RASGRP2: variants seen among roughly 807,000 people sequenced by gnomAD.
The protein encoded by RASGRP2 is RAS guanyl-releasing protein 2.
Under a neutral mutation model 71.0 loss-of-function variants are expected in RASGRP2, and 44 were observed. That is an observed-to-expected ratio of 0.62 (90% CI 0.49 to 0.80). The LOEUF is 0.80. RASGRP2 is among the 30% of genes least tolerant of loss of function. RASGRP2 has a pLI of 0.00. For missense variants in RASGRP2, 663 were observed against 813.4 expected (o/e 0.82, Z 2.25); for synonymous variants, 350 against 330.7 (o/e 1.06, Z -0.63).
At chr11:64,740,269 G>A (rs748665883) in intron 5 of RASGRP2, 106 bp from the exon 6 acceptor site, 19 of 1,437,744 alleles carry the variant, frequency 1.3e-5, no homozygotes, top group African/African-American at 8.4e-5. Flanking sequence ...TACATAATGC[G>A]AGGCACTGTC....
At chr11:64,730,300 TTGGACTCC>T (rs1248163572) in intron 12 of RASGRP2, 106 bp from the exon 13 acceptor site, 1 of 1,424,796 alleles carries the variant, frequency 7.0e-7, no homozygotes, top group African/African-American at 1.4e-5. Context: ...ACTCCTGATT[TTGGACTCC>T]TGTTGCAGAG....
chr11:64,738,674 C>T (rs1388140216), intron 8 of RASGRP2, among the ~76,000 whole-genome samples: 2 of 151,846 alleles, frequency 1.3e-5, no homozygotes, highest in Non-Finnish European at 2.9e-5. Flanking sequence ...CCTGATGTCA[C>T]GTGATCTGCC....
Position 64,742,970 on chromosome 11 carries a change from G to C in RASGRP2, c.-71-33C>G. On this transcript the variant is annotated intron_variant, in intron 1 of 16. Transcript: ENST00000394432. The surrounding 1 kb of genome is among the most constrained non-coding windows in gnomAD (Gnocchi z 4.7). ...GGGAGAGGCAGAGCGGGAGTCTGCGGAGTCGCGGGCGGGGGAGCGGCCCCG... is the reference window on the plus strand; with the variant it reads ...GGGAGAGGCAGAGCGGGAGTCTGCGCAGTCGCGGGCGGGGGAGCGGCCCCG... The C allele has an allele frequency of 6.6e-7, 1 of 1,513,990 alleles. No homozygotes were observed. Among genetic ancestry groups the C allele is most frequent in the Non-Finnish European group, 8.8e-7 (1 of 1,135,640 alleles). 93.8% of individuals were successfully genotyped at this position (1,513,990 alleles called of 1,614,324 possible).
Position 64,728,859 on chromosome 11 carries a change from T to C in RASGRP2, c.1771+4A>G. 6.2e-7 allele frequency: 1 copy of C among 1,607,696 alleles called. No homozygotes were observed. The highest frequency in any genetic ancestry group is 8.5e-7 in the Non-Finnish European group (1 of 1,177,058). On this transcript the variant is annotated splice_donor_region_variant and intron_variant, in intron 15 of 16. Transcript: ENST00000394432. The stretch of plus-strand genomic sequence containing the variant: ...CAGGCCAGTACAGAATGACTCCCTC[T>C]TACCTGGAGGCCTGGAGCCTCGCCT...
rs1161324506 is a variant in RASGRP2 at position 64,740,088 on chromosome 11, C to A, written c.447G>T (p.Leu149Phe). 6.2e-7 allele frequency: 1 copy of A among 1,614,070 alleles called. No individual in the cohort carries two copies. The highest frequency in any genetic ancestry group is 8.5e-7 in the Non-Finnish European group (1 of 1,180,034). ...VGQKKRKMSLLFDHLEPMELA... is the reference protein window; with the variant it reads ...VGQKKRKMSLFFDHLEPMELA... ...GCTCCATGGGCTCCAGGTGGTCAAA[C>A]AACAGGGACATCTTGCGCTTTTTCT... Residue 149 changes from leucine to phenylalanine, a missense_variant, in exon 6 of 17, where the codon TTG becomes TTT. Physicochemically the swap from Leu to Phe is conservative, Grantham distance 22 (BLOSUM62 0). Coordinates refer to ENST00000394432, the MANE Select transcript of RASGRP2 (RefSeq NM_001098671.2).
In RASGRP2 at chr11:64,735,329, T is replaced by C; in HGVS notation, c.1297-102A>G. ...TTCCCAGTCCATTTGATGAGGTGTG[T>C]CTCAGAGAGGTCTCTGACACCACCC... is the stretch of plus-strand genomic sequence containing the variant. On this transcript the variant is annotated intron_variant, in intron 11 of 16. Coordinates refer to ENST00000394432, the MANE Select transcript of RASGRP2 (RefSeq NM_001098671.2). The surrounding 1 kb of genome is among the most constrained non-coding windows in gnomAD (Gnocchi z 4.2). The C allele has an allele frequency of 8.0e-7, 1 of 1,255,782 alleles. No homozygotes were observed. Among genetic ancestry groups the C allele is most frequent in the South Asian group, 1.2e-5 (1 of 82,198 alleles). 77.8% of individuals were successfully genotyped at this position (1,255,782 alleles called of 1,614,324 possible).
intron 12 of RASGRP2, among the ~76,000 whole-genome samples, chr11:64,733,594 C>A (rs1196990885): frequency 6.6e-6 from 1 of 152,170 alleles, no homozygotes; most frequent in East Asian, 1.9e-4. Flanking sequence ...AACTCAACTA[C>A]CTCTGCCTAA....
chr11:64,735,687 G>C lies in RASGRP2; in HGVS notation c.1174-23C>G, dbSNP rs1311866278. 3 of 1,600,210 alleles carry C rather than the reference G, an allele frequency of 1.9e-6. No individual in the cohort carries two copies. Among genetic ancestry groups the C allele is most frequent in the Non-Finnish European group, 2.6e-6 (3 of 1,174,772 alleles). The stretch of plus-strand genomic sequence containing the variant: ...TGGCTATGGAAATGGTCGGGCCTGA[G>C]CTAGGGCCAGAGGCAGGGGAAGCCC... On this transcript the variant is annotated intron_variant, in intron 10 of 16. Coordinates refer to ENST00000394432, the MANE Select transcript of RASGRP2 (RefSeq NM_001098671.2). The surrounding 1 kb of genome is among the most constrained non-coding windows in gnomAD (Gnocchi z 4.2).
Position 64,743,088 on chromosome 11 carries a change from G to C in RASGRP2, c.-71-151C>G, listed in dbSNP as rs1303935541. ...CTCCCGGGGTTAAACGGTCTGGCCCGGGATGGTGCAACCCGCCAGTTGGGA... is the reference window on the plus strand; with the variant it reads ...CTCCCGGGGTTAAACGGTCTGGCCCCGGATGGTGCAACCCGCCAGTTGGGA... On this transcript the variant is annotated intron_variant, in intron 1 of 16. Coordinates refer to ENST00000394432, the MANE Select transcript of RASGRP2 (RefSeq NM_001098671.2). This position sits in a 1 kb window ranked among gnomAD's most constrained non-coding sequence, Gnocchi z 4.9. 3.4e-6 allele frequency: 3 copies of C among 878,940 alleles called. No individual in the cohort carries two copies. Among genetic ancestry groups the C allele is most frequent in the Non-Finnish European group, 5.4e-6 (3 of 550,538 alleles). The allele number at this position is 878,940 out of a possible 1,614,324, so 54.4% of individuals were successfully genotyped here. A position where few individuals can be genotyped will look rare whatever the true frequency, so the allele number is the denominator to read the frequency against.
chr11:64,743,226 C>T lies in RASGRP2; in HGVS notation c.-71-289G>A, dbSNP rs914338044. ...CAGGACTGGCTGGCGCCCAGCCCCCCGCAGGGCGCCTTCTCCTCGCGCCCT... is the reference window on the plus strand; with the variant it reads ...CAGGACTGGCTGGCGCCCAGCCCCCTGCAGGGCGCCTTCTCCTCGCGCCCT... On this transcript the variant is annotated intron_variant, in intron 1 of 16. Coordinates refer to ENST00000394432, the MANE Select transcript of RASGRP2 (RefSeq NM_001098671.2). The surrounding 1 kb of genome is among the most constrained non-coding windows in gnomAD (Gnocchi z 4.9). The T allele has an allele frequency of 7.0e-5, 36 of 513,378 alleles. No homozygotes were observed. Among genetic ancestry groups the T allele is most frequent in the Non-Finnish European group, 1.1e-4 (30 of 264,766 alleles). The allele number at this position is 513,378 out of a possible 1,614,324, so 31.8% of individuals were successfully genotyped here. A position where few individuals can be genotyped will look rare whatever the true frequency, so the allele number is the denominator to read the frequency against.
At position 64,740,948 on chromosome 11, in the gene RASGRP2, A is replaced by G; in HGVS notation, c.371T>C (p.Val124Ala). The G allele has an allele frequency of 6.2e-7, 1 of 1,613,556 alleles. No homozygotes were observed. The highest frequency in any genetic ancestry group is 1.1e-5 in the South Asian group (1 of 91,046). The change falls in exon 5 of 17, where the codon GTC becomes GCC. Residue 124 changes from valine to alanine, a missense_variant and splice_region_variant. Coordinates refer to ENST00000394432, the MANE Select transcript of RASGRP2 (RefSeq NM_001098671.2). Reference protein sequence around the residue: ...RHSSLIDIDSVPTYKWKRQVT... With the variant: ...RHSSLIDIDSAPTYKWKRQVT... ...AGCCCTCTGTGCTCCCCCCACGCAC[A>G]CGCTGTCTATGTCGATTAGGCTGCT... is the stretch of plus-strand genomic sequence containing the variant.
At chr11:64,740,925 C>G in intron 5 of RASGRP2, 23 bp downstream of exon 5, 1 of 1,613,504 alleles carries the variant, frequency 6.2e-7, no homozygotes, top group Non-Finnish European at 8.5e-7. Context: ...GCCCCCCCAG[C>G]CCTCTGTGCT....
intron 8 of RASGRP2, among the ~76,000 whole-genome samples, chr11:64,738,968 A>AG (rs922291153): frequency 6.6e-6 from 1 of 150,838 alleles, no homozygotes; most frequent in African/African-American, 2.4e-5. Context: ...AAAAAAAAAA[A>AG]AAAAAATTAA....
At chr11:64,744,691 GGGGGCCGCGCCCTCCTTCGCCT>G (rs2058250754), upstream of RASGRP2, 1 of 145,456 alleles carries the variant, frequency 6.9e-6, no homozygotes, top group Non-Finnish European at 1.5e-5. Flanking sequence ...GGGAGTCGCT[GGGGGCCGCGCCCTCCTTCGCCT>G]GGCGCCCCGC....
At chr11:64,738,079 T>C (rs966972266) in intron 8 of RASGRP2, among the ~76,000 whole-genome samples, 3 of 152,032 alleles carry the variant, frequency 2.0e-5, no homozygotes, top group African/African-American at 7.3e-5. Flanking sequence ...GGGGTAGACG[T>C]ACAATAAAAT....
chr11:64,727,043 C>A lies in RASGRP2; in HGVS notation c.*95G>T. 2.3e-6 allele frequency: 1 copy of A among 432,402 alleles called. No homozygotes were observed. The allele number at this position is 432,402 out of a possible 1,614,324, so 26.8% of individuals were successfully genotyped here. ...GCCACCCTCATATCCCACCCCCATC[C>A]CCAGCCTCCTGCCCCGACACCCCCA... On this transcript the variant is annotated 3_prime_UTR_variant, in exon 17 of 17. Transcript: ENST00000394432.
At chr11:64,736,061 C>A in intron 9 of RASGRP2, 81 bp from the exon 10 acceptor site, 1 of 1,067,864 alleles carries the variant, frequency 9.4e-7, no homozygotes. Flanking sequence ...ACCTAGAGGC[C>A]ACAGCTCAGC....
At chr11:64,734,980 T>C in intron 12 of RASGRP2, 132 bp downstream of exon 12, 2 of 755,940 alleles carry the variant, frequency 2.6e-6, no homozygotes, top group Non-Finnish European at 4.7e-6. Flanking sequence ...CAAGTGCCCT[T>C]TCCCACACTG....
Position 64,739,750 on chromosome 11 carries a change from C to T in RASGRP2, c.582G>A (p.Glu194=). 1 of 1,613,940 alleles carries T rather than the reference C, an allele frequency of 6.2e-7. No homozygotes were observed. The highest frequency in any genetic ancestry group is 2.2e-5 in the East Asian group (1 of 44,878). The part of the protein sequence containing the change: ...HGCTVDNPVL[E]RFISLFNSVS... ...CGCTGTTGAAGAGGGAGATGAACCG[C>T]TCCAGGACGGGGTTGTCCACAGTGC... The change falls in exon 7 of 17, where the codon GAG becomes GAA. Residue 194 remains glutamate (E), a synonymous_variant. Coordinates refer to ENST00000394432, the MANE Select transcript of RASGRP2 (RefSeq NM_001098671.2). The surrounding 1 kb of genome is among the most constrained non-coding windows in gnomAD (Gnocchi z 4.2).
Sources: allele counts gnomAD v4.1 joint callset (sites outside exome capture counted in the v4.1 genomes callset), GRCh38; gene constraint gnomAD v4.1.1; non-coding constraint Gnocchi (gnomAD v3.1); transcripts MANE v1.5; gene names NCBI Gene and HGNC (gene_info 2026-07-23, HGNC 2026-07-21).